Variants in AQP2 observed in about 807,000 individuals in gnomAD.
AQP2 encodes the protein aquaporin 2.
In AQP2, 20 loss-of-function variants were observed where a neutral mutation model predicts 21.6. The observed-to-expected ratio is 0.92, with a 90% CI of 0.65 to 1.34. The LOEUF is 1.34. AQP2 is among the 40% of genes most tolerant of loss of function. AQP2 has a pLI of 0.00. For synonymous variants in AQP2, 168 were observed against 166.9 expected (o/e 1.01, Z -0.05); for missense variants, 325 against 363.4 (o/e 0.89, Z 0.86).
At chr12:49,951,448 G>T (rs1947329231) in intron 1 of AQP2, 2 of 553,174 alleles carry the variant, frequency 3.6e-6, no homozygotes, top group Non-Finnish European at 6.3e-6. Flanking sequence ...CCTCATCCAG[G>T]TTTCTGTTGG....
At chr12:49,953,471 A>G (rs1161325924) in intron 1 of AQP2, among the ~76,000 whole-genome samples, 1 of 152,228 alleles carries the variant, frequency 6.6e-6, no homozygotes, top group Non-Finnish European at 1.5e-5. Context: ...GACCATGGGC[A>G]GCCTACATGG....
intron 1 of AQP2, chr12:49,951,392 A>T: frequency 1.3e-6 from 1 of 747,726 alleles, no homozygotes; most frequent in Non-Finnish European, 2.1e-6. Flanking sequence ...AGCAGGATGC[A>T]GACAGACTGC....
At position 49,954,157 on chromosome 12, in the gene AQP2, C is replaced by T; in HGVS notation, c.363C>T (p.Leu121=). 6.3e-7 allele frequency: 1 copy of T among 1,598,742 alleles called. No homozygotes were observed. Residue 121 remains leucine, a splice_region_variant and synonymous_variant, in exon 2 of 4, where the codon CTC becomes CTT. Coordinates refer to ENST00000199280, the MANE Select transcript of AQP2 (RefSeq NM_000486.6). ...ACCCGCCTCTTCTCTGTCCCCAGCT[C>T]AGCAACAGCACGACGGCTGGCCAGG... ...DIRGDLAVNA[L]SNSTTAGQAV...
At chr12:49,954,556 CT>C in intron 2 of AQP2, 73 bp from the exon 3 acceptor site, 1 of 1,546,640 alleles carries the variant, frequency 6.5e-7, no homozygotes, top group Middle Eastern at 1.7e-4. Context: ...AGGTCAAGCA[CT>C]GCAGTGCGGG....
At chr12:49,954,571 A>AGGAC in intron 2 of AQP2, 59 bp from the exon 3 acceptor site, 1 of 1,577,606 alleles carries the variant, frequency 6.3e-7, no homozygotes. Flanking sequence ...GTGCGGGACA[A>AGGAC]GGACTTCCTG....
In AQP2 at chr12:49,951,064, C is replaced by T. The variant is rs1053582258; in HGVS notation, c.234C>T (p.Gly78=). Residue 78 remains glycine (G), a synonymous_variant, in exon 1 of 4, where the codon GGC becomes GGT. Coordinates refer to ENST00000199280, the MANE Select transcript of AQP2 (RefSeq NM_000486.6). ...NPAVTVACLV[G]CHVSVLRAAF... ...CCGTGACTGTGGCCTGCCTGGTGGG[C>T]TGCCACGTCTCCGTTCTCCGAGCCG... The T allele has an allele frequency of 1.2e-6, 2 of 1,612,554 alleles. No homozygotes were observed. Among genetic ancestry groups the T allele is most frequent in the African/African-American group, 2.7e-5 (2 of 74,940 alleles).
rs1248655050 is a variant in AQP2, at chr12:49,950,961, T to C, written c.131T>C (p.Ile44Thr). Reference sequence around the variant, plus strand: ...CAGGCCCTGCCCTCTGTGCTACAGATTGCCATGGCGTTTGGCTTGGGTATT... The same window carrying C: ...CAGGCCCTGCCCTCTGTGCTACAGACTGCCATGGCGTTTGGCTTGGGTATT... ...WPQALPSVLQ[I>T]AMAFGLGIGT... Residue 44 changes from isoleucine (I) to threonine (T), a missense_variant, in exon 1 of 4, where the codon ATT (isoleucine) becomes ACT (threonine). Transcript: ENST00000199280. The C allele has an allele frequency of 7.4e-6, 12 of 1,614,098 alleles. No individual in the cohort carries two copies. The highest frequency in any genetic ancestry group is 3.3e-5 in the Admixed American group (2 of 60,012).
chr12:49,955,033 G>A (rs1947356596), intron 3 of AQP2, among the ~76,000 whole-genome samples: 1 of 152,238 alleles, frequency 6.6e-6, no homozygotes, highest in Non-Finnish European at 1.5e-5. Flanking sequence ...CTGGTGCTTA[G>A]TATGTGGTGA....
At chr12:49,955,337 C>CTGCGGGCT in intron 3 of AQP2, 62 bp from the exon 4 acceptor site, 1 of 1,549,074 alleles carries the variant, frequency 6.5e-7, no homozygotes, top group Non-Finnish European at 8.8e-7. Flanking sequence ...CCGCCGGGGC[C>CTGCGGGCT]TGCGGGCTCC....
Position 49,955,630 on chromosome 12 carries a change from G to A in AQP2, c.*22G>A, listed in dbSNP as rs570586535. On this transcript the variant is annotated 3_prime_UTR_variant, in exon 4 of 4. Transcript: ENST00000199280. ...CTGAGGGCCGCCAGCGGCCTCTACG[G>A]CCCCGACGGACGCTTGTGAGGCCCG... 3 of 1,538,210 alleles carry A rather than the reference G, an allele frequency of 2.0e-6. No individual in the cohort carries two copies. Among genetic ancestry groups the A allele is most frequent in the Admixed American group, 1.9e-5 (1 of 51,318 alleles).
rs1947375112 is a variant in AQP2, at chr12:49,957,008, G to T, written c.*1400G>T. 3 of 152,670 alleles carry T rather than the reference G, an allele frequency of 2.0e-5. No individual in the cohort carries two copies. The highest frequency in any genetic ancestry group is 4.4e-5 in the Non-Finnish European group (3 of 68,046). 9.5% of individuals were successfully genotyped at this position (152,670 alleles called of 1,614,324 possible). A position where few individuals can be genotyped will look rare whatever the true frequency, so the allele number is the denominator to read the frequency against. ...TAGGCCAGTACTACTGCTCTCAAAA[G>T]AGATTAACTGGGATTAAGTGAGATG... On this transcript the variant is annotated 3_prime_UTR_variant, in exon 4 of 4. Transcript: ENST00000199280.
Position 49,950,981 on chromosome 12 carries a change from G to A in AQP2, c.151G>A (p.Gly51Ser). ...ACAGATTGCCATGGCGTTTGGCTTG[G>A]GTATTGGCACCCTGGTACAGGCTCT... ...VLQIAMAFGL[G>S]IGTLVQALGH... Residue 51 changes from glycine to serine, a missense_variant, in exon 1 of 4, where the codon GGT (glycine) becomes AGT (serine). By Grantham distance (56) the Gly-to-Ser change is moderately conservative. Coordinates refer to ENST00000199280, the MANE Select transcript of AQP2 (RefSeq NM_000486.6). 1.2e-6 allele frequency: 2 copies of A among 1,614,216 alleles called. No individual in the cohort carries two copies. Among genetic ancestry groups the A allele is most frequent in the Non-Finnish European group, 1.7e-6 (2 of 1,180,042 alleles).
rs908784394 is a variant in AQP2, at chr12:49,957,984, A to G, written c.*2376A>G. The G allele has an allele frequency of 3.3e-5, 5 of 152,196 alleles. No individual in the cohort carries two copies. The highest frequency in any genetic ancestry group is 1.2e-4 in the African/African-American group (5 of 41,444). 9.4% of individuals were successfully genotyped at this position (152,196 alleles called of 1,614,324 possible). A position where few individuals can be genotyped will look rare whatever the true frequency, so the allele number is the denominator to read the frequency against. The stretch of plus-strand genomic sequence containing the variant: ...ACCATTTCTAGCCTCTATTGCCCAG[A>G]TTGGAGTCAGAGGTCAAAAAAGGAT... On this transcript the variant is annotated 3_prime_UTR_variant, in exon 4 of 4. Transcript: ENST00000199280.
chr12:49,951,314 G>A, intron 1 of AQP2, 124 bp downstream of exon 1: 1 of 1,371,960 alleles, frequency 7.3e-7, no homozygotes, highest in South Asian at 1.5e-5. Context: ...GGCAGAGAGA[G>A]AGGCTGGAGC....
At chr12:49,954,815 A>C in intron 3 of AQP2, 105 bp downstream of exon 3, 4 of 1,260,302 alleles carry the variant, frequency 3.2e-6, no homozygotes, top group Admixed American at 1.7e-5. Flanking sequence ...GGTACCCCAA[A>C]CCCTCCACAC....
chr12:49,950,750 G>C lies in AQP2; in HGVS notation c.-81G>C. 6.5e-7 allele frequency: 1 copy of C among 1,536,130 alleles called. No homozygotes were observed. Among genetic ancestry groups the C allele is most frequent in the Admixed American group, 1.9e-5 (1 of 52,788 alleles). ...CAGCCTCCCCAGAGGCCTTGAGAAA[G>C]AGAGCGATAGAGTGCGAGAGCGAGT... On this transcript the variant is annotated 5_prime_UTR_variant, in exon 1 of 4. Transcript: ENST00000199280.
intron 1 of AQP2, chr12:49,951,429 C>A: frequency 1.7e-6 from 1 of 583,204 alleles, no homozygotes; most frequent in Non-Finnish European, 2.9e-6. Context: ...GACCGTCGTG[C>A]AGGAAGAGCC....
At chr12:49,954,743 C>G in intron 3 of AQP2, 33 bp downstream of exon 3, 1 of 1,597,734 alleles carries the variant, frequency 6.3e-7, no homozygotes, top group African/African-American at 1.3e-5. Context: ...CTCCCCTTCT[C>G]TAGAAACCCA....
chr12:49,954,153 A>G lies in AQP2; in HGVS notation c.361-2A>G. On this transcript the variant is annotated splice_acceptor_variant, in intron 1 of 3. Transcript: ENST00000199280. LOFTEE classifies it high-confidence loss of function. ...CCCTACCCGCCTCTTCTCTGTCCCC[A>G]GCTCAGCAACAGCACGACGGCTGGC... The G allele has an allele frequency of 1.3e-6, 2 of 1,598,472 alleles. No individual in the cohort carries two copies. Among genetic ancestry groups the G allele is most frequent in the Non-Finnish European group, 1.7e-6 (2 of 1,179,930 alleles).
Sources: gnomAD v4.1 joint callset for allele counts (sites outside exome capture counted in the v4.1 genomes callset) on GRCh38, gnomAD v4.1.1 for gene constraint, MANE v1.5 for transcripts, NCBI Gene and HGNC (gene_info 2026-07-23, HGNC 2026-07-21) for gene names.